LIAT1: variants seen among roughly 807,000 people sequenced by gnomAD.
LIAT1 encodes protein LIAT1.
chr17:413,694 GTTT>G, the LIAT1 span: 1 of 1,580,888 alleles, frequency 6.3e-7, no homozygotes, highest in Non-Finnish European at 8.6e-7. Context: ...GCCCTCAAGG[GTTT>G]CCACATTGAC....
the LIAT1 span, chr17:413,640 AC>A: frequency 6.4e-7 from 1 of 1,554,258 alleles, no homozygotes; most frequent in Admixed American, 1.8e-5. Flanking sequence ...AAGGGCTTCC[AC>A]CCCGACCCTG....
the LIAT1 span, among the ~76,000 whole-genome samples, chr17:412,768 C>A: frequency 2.2e-4 from 34 of 152,178 alleles, no homozygotes; most frequent in African/African-American, 8.2e-4. Flanking sequence ...TGGATGAGGG[C>A]AGCACGGCCC....
chr17:414,252 C>G, the LIAT1 span: 3 of 1,109,868 alleles, frequency 2.7e-6, no homozygotes, highest in Non-Finnish European at 3.9e-6. This position sits in a 1 kb window ranked among gnomAD's most constrained non-coding sequence, Gnocchi z 4.1. Context: ...CGCCGACTCT[C>G]CCATCACCAA....
At chr17:412,691 G>A in the LIAT1 span, among the ~76,000 whole-genome samples, 1 of 152,280 alleles carries the variant, frequency 6.6e-6, no homozygotes, top group Non-Finnish European at 1.5e-5. Context: ...ATCATAAAGT[G>A]TCTAGACTAG....
At chr17:410,493 A>G in the LIAT1 span, 1 of 1,544,286 alleles carries the variant, frequency 6.5e-7, no homozygotes, top group African/African-American at 1.4e-5. Flanking sequence ...GTACAAGGAC[A>G]ACGACGGCGA....
the LIAT1 span, chr17:414,350 TTAAG>T: frequency 3.7e-6 from 2 of 533,922 alleles, no homozygotes; most frequent in Admixed American, 3.6e-5. The surrounding 1 kb of genome is among the most constrained non-coding windows in gnomAD (Gnocchi z 4.1). Flanking sequence ...TTCCTTTTTC[TTAAG>T]TAAGCATCTC....
the LIAT1 span, chr17:413,564 G>A: frequency 5.9e-6 from 9 of 1,524,084 alleles, 1 homozygote; most frequent in Non-Finnish European, 7.1e-6. Context: ...CGACCCCGAG[G>A]CCCTCAAGGG....
chr17:410,720 A>C, the LIAT1 span: 4 of 1,378,770 alleles, frequency 2.9e-6, no homozygotes, highest in Non-Finnish European at 3.9e-6. Context: ...CCCCCCATTT[A>C]CCCTTCAGAC....
chr17:410,327 A>AG, the LIAT1 span: 1 of 1,454,912 alleles, frequency 6.9e-7, no homozygotes, highest in African/African-American at 1.5e-5. Flanking sequence ...GCGCAGGCGC[A>AG]GCAGGGGTGG....
At chr17:410,913 A>G in the LIAT1 span, among the ~76,000 whole-genome samples, 28,810 of 151,872 alleles carry the variant, frequency 0.19, 2,891 homozygotes, top group South Asian at 0.3. Context: ...GCCCCACACA[A>G]AGACACCCTC....
the LIAT1 span, among the ~76,000 whole-genome samples, chr17:411,681 CA>C: frequency 0.052 from 7,909 of 152,266 alleles, 260 homozygotes; most frequent in Non-Finnish European, 0.071. Flanking sequence ...GACACCTTCA[CA>C]AACACACATA....
chr17:411,850 G>A, the LIAT1 span, among the ~76,000 whole-genome samples: 1 of 152,172 alleles, frequency 6.6e-6, no homozygotes, highest in African/African-American at 2.4e-5. Context: ...GGCCACTGTC[G>A]CCCGTGTGGT....
At chr17:413,373 C>G in the LIAT1 span, 1 of 1,614,274 alleles carries the variant, frequency 6.2e-7, no homozygotes, top group Non-Finnish European at 8.5e-7. Context: ...GGAATTCTTG[C>G]TGACCCGGAG....
the LIAT1 span, chr17:413,765 G>A: frequency 7.6e-6 from 12 of 1,570,854 alleles, no homozygotes; most frequent in African/African-American, 3.0e-5. Flanking sequence ...CTTCCACCCC[G>A]ACCCCAAGGC....
the LIAT1 span, chr17:413,708 C>G: frequency 1.3e-6 from 2 of 1,584,036 alleles, no homozygotes; most frequent in Admixed American, 1.7e-5. Context: ...CCACATTGAC[C>G]CCGAGGCCCT....
chr17:414,016 G>A, the LIAT1 span: 1 of 1,614,218 alleles, frequency 6.2e-7, no homozygotes, highest in Non-Finnish European at 8.5e-7. The surrounding 1 kb of genome is among the most constrained non-coding windows in gnomAD (Gnocchi z 4.1). Context: ...CCAGCCACAG[G>A]CAGCCCACGT....
the LIAT1 span, among the ~76,000 whole-genome samples, chr17:411,365 A>G: frequency 8.5e-5 from 13 of 152,208 alleles, no homozygotes; most frequent in Admixed American, 2.0e-4. Context: ...CTATCAATGT[A>G]ACACCAACAG....
chr17:412,838 G>A, the LIAT1 span, among the ~76,000 whole-genome samples: 3 of 152,222 alleles, frequency 2.0e-5, no homozygotes, highest in Admixed American at 1.3e-4. Context: ...TCTGCCACTC[G>A]CTCATGACAT....
At chr17:410,601 A>C in the LIAT1 span, 2 of 1,545,196 alleles carry the variant, frequency 1.3e-6, no homozygotes, top group Non-Finnish European at 1.7e-6. Context: ...GAAGGTGAAG[A>C]AGAAAAAAAG....
Sources: allele counts gnomAD v4.1 joint callset (sites outside exome capture counted in the v4.1 genomes callset), GRCh38; gene constraint gnomAD v4.1.1; non-coding constraint Gnocchi (gnomAD v3.1); transcripts MANE v1.5; gene names NCBI Gene and HGNC (gene_info 2026-07-23, HGNC 2026-07-21).